TAF4B: variants seen among roughly 807,000 people sequenced by gnomAD.
The protein encoded by TAF4B is TATA-box binding protein associated factor 4b.
Under a neutral mutation model 86.4 loss-of-function variants are expected in TAF4B, and 38 were observed. That is an observed-to-expected ratio of 0.44 (90% confidence interval 0.34 to 0.58). TAF4B has a LOEUF of 0.58. TAF4B is among the 20% of genes least tolerant of loss of function. The probability of loss-of-function intolerance (pLI) is 0.02; values close to 1 mark genes in which losing one functional copy is unlikely to be tolerated. For synonymous variants in TAF4B, 388 were observed against 391.2 expected (o/e 0.99, Z 0.10); for missense variants, 988 against 1,027.6 (o/e 0.96, Z 0.53).
At chr18:26,265,137 C>T (rs2056220513) in intron 1 of TAF4B, 33 bp from the exon 2 acceptor site, 2 of 1,598,204 alleles carry the variant, frequency 1.3e-6, no homozygotes, top group South Asian at 1.1e-5. Flanking sequence ...TTTAGTGGCT[C>T]AGAGGTCACT....
At chr18:26,350,079 T>G (rs77328519) in intron 13 of TAF4B, among the ~76,000 whole-genome samples, 2,943 of 152,204 alleles carry the variant, frequency 0.019, 83 homozygotes, top group African/African-American at 0.068. Flanking sequence ...GAGATCTAAG[T>G]GTAAAACCTG....
intron 13 of TAF4B, among the ~76,000 whole-genome samples, chr18:26,336,373 G>C (rs970064057): frequency 2.6e-5 from 4 of 152,080 alleles, no homozygotes; most frequent in Non-Finnish European, 5.9e-5. Context: ...ACGTTTTAAA[G>C]GCCCTTATTG....
At chr18:26,274,555 C>CA in intron 3 of TAF4B, 108 bp from the exon 4 acceptor site, 1 of 1,245,962 alleles carries the variant, frequency 8.0e-7, no homozygotes, top group Non-Finnish European at 1.1e-6. Context: ...TAGAGCATAA[C>CA]ATAAAACCAC....
chr18:26,387,871 T>C (rs1262573241), intron 14 of TAF4B, among the ~76,000 whole-genome samples: 1 of 152,204 alleles, frequency 6.6e-6, no homozygotes, highest in Admixed American at 6.5e-5. Flanking sequence ...AGAAGTTTTA[T>C]TTGTCCGTCA....
intron 1 of TAF4B, among the ~76,000 whole-genome samples, chr18:26,247,279 TG>T (rs962719215): frequency 8.5e-5 from 13 of 152,218 alleles, no homozygotes; most frequent in African/African-American, 3.1e-4. Context: ...CACAGAATTC[TG>T]GGGAACACCA....
At chr18:26,286,986 G>T (rs909882156) in intron 7 of TAF4B, among the ~76,000 whole-genome samples, 16 of 152,134 alleles carry the variant, frequency 1.1e-4, no homozygotes, top group African/African-American at 3.9e-4. Context: ...ACCACGCCCA[G>T]CAGCAAACAC....
chr18:26,296,798 T>G (rs1399459206), intron 9 of TAF4B, among the ~76,000 whole-genome samples: 1 of 152,168 alleles, frequency 6.6e-6, no homozygotes, highest in African/African-American at 2.4e-5. Flanking sequence ...TTTGGATTTG[T>G]CCTTTCTAGA....
chr18:26,313,595 A>G (rs996225568), intron 9 of TAF4B, among the ~76,000 whole-genome samples: 5 of 151,830 alleles, frequency 3.3e-5, no homozygotes, highest in African/African-American at 1.2e-4. Context: ...AGCTTTTGGT[A>G]TACTGTTCAT....
chr18:26,317,409 G>A lies in TAF4B; in HGVS notation c.2002+2011G>A, dbSNP rs373950421. Among the ~76,000 whole-genome samples, 6 of 152,114 alleles carry A rather than the reference G, an allele frequency of 3.9e-5. No homozygotes were observed. The East Asian group carries it at 1.2e-3, about 29-fold the overall frequency. ...AATTTTTGGCATTAAAAGCATTTTT[G>A]ATCACTTAGGACAGGGATAAGCAAC... On this transcript the variant is annotated intron_variant, in intron 10 of 14. Transcript: ENST00000269142.
chr18:26,341,508 TG>T (rs1168201157), intron 13 of TAF4B, among the ~76,000 whole-genome samples: 1 of 152,148 alleles, frequency 6.6e-6, no homozygotes, highest in African/African-American at 2.4e-5. Flanking sequence ...ATAAATCAAA[TG>T]TTATTGGTTT....
intron 9 of TAF4B, among the ~76,000 whole-genome samples, chr18:26,314,098 T>A (rs1446317514): frequency 1.3e-5 from 2 of 152,200 alleles, no homozygotes; most frequent in Non-Finnish European, 2.9e-5. Context: ...TTACACTTTA[T>A]TTCCTTTTTC....
In TAF4B at chr18:26,274,840, C is replaced by T; in HGVS notation, c.759+16C>T. 1 of 1,614,124 alleles carries T rather than the reference C, an allele frequency of 6.2e-7. No individual in the cohort carries two copies. Among genetic ancestry groups the T allele is most frequent in the South Asian group, 1.1e-5 (1 of 91,082 alleles). The stretch of plus-strand genomic sequence containing the variant: ...TCTTTCTCCGGTAAGCTCTTACTTG[C>T]ACCTTACATAAATCTTGTTCCTTGC... On this transcript the variant is annotated intron_variant, in intron 4 of 14. Transcript: ENST00000269142.
chr18:26,296,809 G>A (rs144305891), intron 9 of TAF4B, among the ~76,000 whole-genome samples: 87 of 152,260 alleles, frequency 5.7e-4, no homozygotes, highest in Middle Eastern at 3.4e-3. Context: ...CCTTTCTAGA[G>A]TTTTGCATGA....
chr18:26,328,465 AAAAAC>A (rs1454740242), intron 12 of TAF4B, among the ~76,000 whole-genome samples: 1 of 152,114 alleles, frequency 6.6e-6, no homozygotes, highest in African/African-American at 2.4e-5. Flanking sequence ...ATAAATAAAT[AAAAAC>A]AAAACAAAAA....
intron 14 of TAF4B, among the ~76,000 whole-genome samples, chr18:26,374,899 G>A (rs2057432442): frequency 6.6e-6 from 1 of 152,126 alleles, no homozygotes; most frequent in African/African-American, 2.4e-5. Context: ...TGGCTTATCA[G>A]GTGTGTGCCA....
At chr18:26,385,976 A>C (rs909708017) in intron 14 of TAF4B, among the ~76,000 whole-genome samples, 1 of 152,326 alleles carries the variant, frequency 6.6e-6, no homozygotes, top group African/African-American at 2.4e-5. Flanking sequence ...TTGCCAAATC[A>C]AAGCTCAGGA....
At chr18:26,271,455 C>G (rs2056318024) in intron 3 of TAF4B, among the ~76,000 whole-genome samples, 1 of 152,176 alleles carries the variant, frequency 6.6e-6, no homozygotes, top group Admixed American at 6.5e-5. Context: ...AATTTCCATA[C>G]AACTCATTTT....
intron 9 of TAF4B, among the ~76,000 whole-genome samples, chr18:26,300,996 A>G (rs1310775713): frequency 6.6e-6 from 1 of 152,136 alleles, no homozygotes. Context: ...CTTTCAGACC[A>G]AAAGACATAA....
At chr18:26,249,462 A>ACT (rs893909478) in intron 1 of TAF4B, among the ~76,000 whole-genome samples, 72 of 150,440 alleles carry the variant, frequency 4.8e-4, no homozygotes, top group African/African-American at 9.3e-4. Flanking sequence ...ACAGAGCAAA[A>ACT]CTCTCTCTCT....
Sources: gnomAD v4.1 joint callset for allele counts (sites outside exome capture counted in the v4.1 genomes callset) on GRCh38, gnomAD v4.1.1 for gene constraint, MANE v1.5 for transcripts, NCBI Gene and HGNC (gene_info 2026-07-23, HGNC 2026-07-21) for gene names.